The following TIMELESS variants were observed in gnomAD, a reference collection of about 807,000 sequenced individuals.
TIMELESS encodes the protein protein timeless homolog.
In TIMELESS, 124 loss-of-function variants were observed where a neutral mutation model predicts 164.3. The observed-to-expected ratio is 0.75, with a 90% CI of 0.65 to 0.88. TIMELESS has a LOEUF of 0.88. TIMELESS is among the 40% of genes least tolerant of loss of function. The probability of loss-of-function intolerance (pLI) is 0.00; values close to 1 mark genes in which losing one functional copy is unlikely to be tolerated. For missense variants in TIMELESS, 1,422 were observed against 1,491.4 expected, an observed-to-expected ratio of 0.95 and a Z score of 0.77; for synonymous variants, 564 against 563.4, an observed-to-expected ratio of 1.00 and a Z score of -0.02.
intron 15 of TIMELESS, 53 bp from the exon 16 acceptor site, chr12:56,423,947 T>G: frequency 6.7e-7 from 1 of 1,498,776 alleles, no homozygotes; most frequent in Non-Finnish European, 9.3e-7. Context: ...GGCTTTAAAT[T>G]TATAATTCGA....
chr12:56,446,053 C>T (rs902068907), intron 1 of TIMELESS, among the ~76,000 whole-genome samples: 5 of 152,148 alleles, frequency 3.3e-5, no homozygotes, highest in African/African-American at 9.7e-5. Context: ...CTATAGGGTA[C>T]ATCACCACAC....
At chr12:56,443,066 A>G (rs550847619) in intron 1 of TIMELESS, among the ~76,000 whole-genome samples, 2 of 152,310 alleles carry the variant, frequency 1.3e-5, no homozygotes, top group Admixed American at 6.5e-5. Flanking sequence ...TGTTTGAACA[A>G]TATGAAATCA....
At chr12:56,434,773 T>A (rs1882014888) in intron 1 of TIMELESS, among the ~76,000 whole-genome samples, 1 of 152,096 alleles carries the variant, frequency 6.6e-6, no homozygotes, top group African/African-American at 2.4e-5. Flanking sequence ...AGACCCTGGC[T>A]GGGCACAGTG....
At chr12:56,440,375 G>A (rs1286793631) in intron 1 of TIMELESS, among the ~76,000 whole-genome samples, 2 of 152,092 alleles carry the variant, frequency 1.3e-5, no homozygotes, top group African/African-American at 2.4e-5. Flanking sequence ...CTGACCTCAT[G>A]ATCTGCCCAC....
At chr12:56,422,724 A>T in intron 19 of TIMELESS, 123 bp downstream of exon 19, 1 of 1,103,816 alleles carries the variant, frequency 9.1e-7, no homozygotes, top group Non-Finnish European at 1.3e-6. Flanking sequence ...CTGTTCTCTC[A>T]CCCATAATAG....
At chr12:56,432,953 C>CA (rs67816652) in intron 6 of TIMELESS, 73 bp downstream of exon 6, 101,451 of 539,730 alleles carry the variant, frequency 0.19, 7,408 homozygotes, top group Admixed American at 0.29. Flanking sequence ...GACTCCGTCT[C>CA]AAAAAAAAAA....
At chr12:56,431,306 A>G (rs1331075190) in intron 8 of TIMELESS, among the ~76,000 whole-genome samples, 165 bp downstream of exon 8, 1 of 150,252 alleles carries the variant, frequency 6.7e-6, no homozygotes, top group African/African-American at 2.4e-5. Context: ...GTGAGCAGAG[A>G]TCGTGCCAGT....
rs534647056 is a variant in TIMELESS at position 56,441,082 on chromosome 12, T to G, written c.-61-6851A>C. Among the ~76,000 whole-genome samples, 345 of 152,296 alleles carry G rather than the reference T, an allele frequency of 2.3e-3. 2 individuals are homozygous for G. Among genetic ancestry groups the G allele is most frequent in the South Asian group, 7.7e-3 (37 of 4,830 alleles). On this transcript the variant is annotated intron_variant, in intron 1 of 28. Transcript: ENST00000553532. ...ATCCACCCACCTCGGCCTCCCAAAGTGCTGGGATTACGGGCATGAGCCACT... is the reference window on the plus strand; with the variant it reads ...ATCCACCCACCTCGGCCTCCCAAAGGGCTGGGATTACGGGCATGAGCCACT...
intron 1 of TIMELESS, among the ~76,000 whole-genome samples, chr12:56,448,961 CAGG>C (rs1018278938): frequency 1.4e-4 from 22 of 152,284 alleles, no homozygotes; most frequent in South Asian, 2.1e-4. Context: ...CGGTTTTTTT[CAGG>C]AGGTCTCAAC....
intron 9 of TIMELESS, 99 bp downstream of exon 9, chr12:56,430,782 G>T: frequency 2.6e-6 from 2 of 754,828 alleles, no homozygotes; most frequent in Non-Finnish European, 4.2e-6. Context: ...GGGACCACAA[G>T]TGTGAGCCAC....
Position 56,421,388 on chromosome 12 carries a change from T to C in TIMELESS, c.2831A>G (p.Tyr944Cys). The C allele has an allele frequency of 4.3e-6, 7 of 1,614,128 alleles. No individual in the cohort carries two copies. The highest frequency in any genetic ancestry group is 5.9e-6 in the Non-Finnish European group (7 of 1,179,994). The change falls in exon 23 of 29, where the codon TAC becomes TGC. Residue 944 changes from tyrosine (Y) to cysteine (C), a missense_variant. Transcript: ENST00000553532. ...LGLVAERREL[Y>C]KKRQKKLASS... ...TGCCAACTTTTTCTGCCGTTTCTTG[T>C]ACAGCTCCCGCCGCTCAGCCACCAG...
intron 1 of TIMELESS, among the ~76,000 whole-genome samples, chr12:56,447,242 C>T (rs997749654): frequency 1.6e-5 from 2 of 123,730 alleles, no homozygotes; most frequent in African/African-American, 5.8e-5. Context: ...CACCCTTGAA[C>T]TTTCAGAGCC....
intron 26 of TIMELESS, among the ~76,000 whole-genome samples, chr12:56,419,742 G>A (rs1423863211): frequency 2.0e-5 from 3 of 151,414 alleles, no homozygotes; most frequent in South Asian, 2.1e-4. Context: ...CTGAGTCTGT[G>A]GATTCAAACC....
chr12:56,425,265 C>A, intron 13 of TIMELESS, 113 bp from the exon 14 acceptor site: 1 of 1,269,990 alleles, frequency 7.9e-7, no homozygotes, highest in East Asian at 2.5e-5. Flanking sequence ...TGCCCATTAT[C>A]TGCTATCCAT....
rs1366652868 is a variant in TIMELESS, at chr12:56,417,669, C to T, written c.*47G>A. ...GACCCTTCCAACTCTGACTTGAATG[C>T]ACCATCTAAAAACGTGTCTATCTCT... On this transcript the variant is annotated 3_prime_UTR_variant, in exon 29 of 29. Transcript: ENST00000553532. 16 of 1,593,512 alleles carry T rather than the reference C, an allele frequency of 1.0e-5. No individual in the cohort carries two copies. Among genetic ancestry groups the T allele is most frequent in the Non-Finnish European group, 1.2e-5 (14 of 1,161,502 alleles).
chr12:56,426,385 C>CTTT (rs35546587), intron 13 of TIMELESS, among the ~76,000 whole-genome samples: 1 of 137,106 alleles, frequency 7.3e-6, no homozygotes, highest in Non-Finnish European at 1.6e-5. Context: ...GGTACAAAAT[C>CTTT]TTTTTTTTTT....
Position 56,431,492 on chromosome 12 carries a change from C to T in TIMELESS, c.800G>A (p.Arg267Gln), listed in dbSNP as rs201974689. Reference protein sequence around the residue: ...RQREMAEKKTRALQRGNRHSR... With the variant: ...RQREMAEKKTQALQRGNRHSR... ...TCACCTGTTGCCTCGCTGGAGGGCT[C>T]GAGTCTTCTTTTCTGCCATCTCTCG... The change falls in exon 8 of 29, where the codon CGA becomes CAA. Residue 267 changes from arginine (R) to glutamine (Q), a missense_variant. By Grantham distance (43) the Arg-to-Gln change is conservative. Coordinates refer to ENST00000553532, the MANE Select transcript of TIMELESS (RefSeq NM_003920.5). 1.5e-4 allele frequency: 240 copies of T among 1,612,274 alleles called. No homozygotes were observed. The highest frequency in any genetic ancestry group is 1.9e-4 in the Non-Finnish European group (226 of 1,179,604).
chr12:56,420,902 T>A, intron 24 of TIMELESS, 21 bp from the exon 25 acceptor site: 3 of 1,614,076 alleles, frequency 1.9e-6, no homozygotes, highest in Non-Finnish European at 2.5e-6. Flanking sequence ...GAGGGAAACT[T>A]ACATTTGACC....
Position 56,422,014 on chromosome 12 carries a change from GCC to G in TIMELESS, c.2525_2526del (p.Gly842AlafsTer32). The G allele has an allele frequency of 6.2e-7, 1 of 1,614,046 alleles. No individual in the cohort carries two copies. Among genetic ancestry groups the G allele is most frequent in the Non-Finnish European group, 8.5e-7 (1 of 1,179,950 alleles). On this transcript the variant is annotated frameshift_variant and splice_region_variant, in exon 21 of 29. Transcript: ENST00000553532. LOFTEE classifies it high-confidence loss of function. ...GCCAAGATGGCTTCCACCACATCCT[GCC>G]CTGGCGTGGGGAAGGACTAAGGCAG... ...ELYLANKDVE[G>X]QDVVEAILAH...
Sources: allele counts gnomAD v4.1 joint callset (sites outside exome capture counted in the v4.1 genomes callset), GRCh38; gene constraint gnomAD v4.1.1; transcripts MANE v1.5; gene names NCBI Gene and HGNC (gene_info 2026-07-23, HGNC 2026-07-21).